The following PALLD variants were observed in gnomAD, a reference collection of about 807,000 sequenced individuals.
PALLD encodes palladin.
A neutral mutation model predicts 123.5 loss-of-function variants in PALLD; 61 were observed. The ratio of observed to expected loss-of-function variants is 0.49; its 90% CI spans 0.40 to 0.61. The LOEUF (loss-of-function observed/expected upper bound fraction) is 0.61. Ranked by LOEUF, PALLD falls within the 20% of genes least tolerant of loss-of-function variation. The probability of loss-of-function intolerance (pLI) is 0.00; values close to 1 mark genes in which losing one functional copy is unlikely to be tolerated. For missense variants in PALLD, 1,273 were observed against 1,377.0 expected (o/e 0.92, Z 1.20); for synonymous variants, 465 against 496.4 (o/e 0.94, Z 0.84).
chr4:168,590,903 G>A (rs922489456), intron 2 of PALLD, among the ~76,000 whole-genome samples: 2 of 92,888 alleles, frequency 2.2e-5, no homozygotes, highest in African/African-American at 9.7e-5. Context: ...TTTTGAGAGG[G>A]AGTTTCACTC....
At chr4:168,728,400 C>T (rs1381849229) in intron 10 of PALLD, among the ~76,000 whole-genome samples, 1 of 151,830 alleles carries the variant, frequency 6.6e-6, no homozygotes, top group Non-Finnish European at 1.5e-5. Flanking sequence ...TTTTATAGTT[C>T]TTGTAGAGAC....
At chr4:168,558,879 G>T (rs906731490) in intron 2 of PALLD, among the ~76,000 whole-genome samples, 1 of 152,142 alleles carries the variant, frequency 6.6e-6, no homozygotes, top group African/African-American at 2.4e-5. Context: ...TGTAAAACAT[G>T]ACCTAGGTGT....
chr4:168,654,018 A>C (rs1778321153), intron 2 of PALLD, among the ~76,000 whole-genome samples: 1 of 151,682 alleles, frequency 6.6e-6, no homozygotes, highest in Non-Finnish European at 1.5e-5. Context: ...ACAGAGTCTC[A>C]CTGTGTTGCC....
intron 2 of PALLD, among the ~76,000 whole-genome samples, chr4:168,525,257 G>C (rs1027218303): frequency 1.3e-5 from 2 of 152,200 alleles, no homozygotes; most frequent in African/African-American, 4.8e-5. Context: ...AATTCTGCAA[G>C]ATCATTTTTT....
intron 1 of PALLD, among the ~76,000 whole-genome samples, chr4:168,499,689 T>C (rs990029684): frequency 6.6e-6 from 1 of 152,206 alleles, no homozygotes; most frequent in Admixed American, 6.5e-5. Flanking sequence ...GAGGTCAGTG[T>C]TGATTGTTTG....
chr4:168,537,722 G>A (rs952356407), intron 2 of PALLD: 1 of 152,176 alleles, frequency 6.6e-6, no homozygotes, highest in Non-Finnish European at 1.5e-5. Flanking sequence ...TGGCAGTCTT[G>A]TGGGAAGAAG....
chr4:168,732,235 A>G (rs1358448988), intron 10 of PALLD, among the ~76,000 whole-genome samples: 1 of 152,258 alleles, frequency 6.6e-6, no homozygotes, highest in Admixed American at 6.5e-5. Flanking sequence ...GAGTTTCCGA[A>G]GAACTTGTGG....
intron 10 of PALLD, among the ~76,000 whole-genome samples, chr4:168,780,463 C>T (rs1735760904): frequency 6.6e-6 from 1 of 152,216 alleles, no homozygotes; most frequent in Non-Finnish European, 1.5e-5. Context: ...CTGTTTCTTA[C>T]TAAGATTTGC....
In PALLD at chr4:168,612,254, CAAA is replaced by C. The variant is rs5863950; in HGVS notation, c.909-55921_909-55919del. Among the ~76,000 whole-genome samples, 574 of 127,110 alleles carry C rather than the reference CAAA, an allele frequency of 4.5e-3. 1 individual carries two copies. Among genetic ancestry groups the C allele is most frequent in the African/African-American group, 0.014 (504 of 35,276 alleles). 83.4% of individuals were successfully genotyped at this position (127,110 alleles called of 152,430 possible). A position where few individuals can be genotyped will look rare whatever the true frequency, so the allele number is the denominator to read the frequency against. On this transcript the variant is annotated intron_variant, in intron 2 of 21. Transcript: ENST00000505667. ...TCAGTGTCCTTGAAATCTAGGTTTA[CAAA>C]AAAAAAAAAAAAAATGCTCATCTTA...
In PALLD at chr4:168,713,299, A is replaced by ATGC. The variant is rs1468083311; in HGVS notation, c.1964+1378_1964+1380dup. Among the ~76,000 whole-genome samples the ATGC allele has an allele frequency of 2.0e-5, 3 of 152,342 alleles. No individual in the cohort carries two copies. The East Asian group carries it at 5.8e-4, about 29-fold the overall frequency. On this transcript the variant is annotated intron_variant, in intron 10 of 21. Coordinates refer to ENST00000505667, the MANE Select transcript of PALLD (RefSeq NM_001166108.2). Reference sequence around the variant, plus strand: ...AAAATGGTGTCCTTAAAAGAGATTTATGCTCTTGTAGCAGCAACCCATAAA... The same window carrying ATGC: ...AAAATGGTGTCCTTAAAAGAGATTTATGCTGCTCTTGTAGCAGCAACCCATAAA...
chr4:168,601,959 T>A (rs1379431824), intron 2 of PALLD, among the ~76,000 whole-genome samples: 3 of 152,206 alleles, frequency 2.0e-5, no homozygotes, highest in African/African-American at 7.2e-5. Flanking sequence ...AAGGGCCAAC[T>A]TCCAGAGCCT....
At chr4:168,690,571 T>TTCA in intron 6 of PALLD, 32 bp from the exon 7 acceptor site, 1 of 1,613,996 alleles carries the variant, frequency 6.2e-7, no homozygotes. Context: ...CAAAGTCTGA[T>TTCA]GGGGTTTTCC....
intron 10 of PALLD, among the ~76,000 whole-genome samples, chr4:168,715,843 G>A (rs1472100084): frequency 2.0e-5 from 3 of 152,064 alleles, no homozygotes; most frequent in Admixed American, 6.6e-5. Context: ...CCAGCTACTC[G>A]GGAGGCTGAG....
At position 168,615,008 on chromosome 4, in the gene PALLD, C is replaced by T. The variant is rs534361836; in HGVS notation, c.909-53182C>T. On this transcript the variant is annotated intron_variant, in intron 2 of 21. Transcript: ENST00000505667. Reference sequence around the variant, plus strand: ...AGGGATAGCTAGAGCCAATAAGCCCCAGTGCATGGATATTAGGAGGTTCAT... The same window carrying T: ...AGGGATAGCTAGAGCCAATAAGCCCTAGTGCATGGATATTAGGAGGTTCAT... 3.3e-5 allele frequency among the ~76,000 whole-genome samples: 5 copies of T among 152,236 alleles called. No individual in the cohort carries two copies. In the South Asian group the frequency reaches 6.2e-4, roughly 19 times the overall value.
At chr4:168,551,953 G>A (rs1766779141) in intron 2 of PALLD, among the ~76,000 whole-genome samples, 1 of 152,186 alleles carries the variant, frequency 6.6e-6, no homozygotes, top group Admixed American at 6.5e-5. Context: ...GTCAAATTGG[G>A]AAGGAAGATA....
intron 8 of PALLD, among the ~76,000 whole-genome samples, chr4:168,708,496 A>G (rs370319849): frequency 6.6e-6 from 1 of 152,192 alleles, no homozygotes; most frequent in African/African-American, 2.4e-5. Flanking sequence ...TTCATGCCCT[A>G]CAACACTGCC....
At chr4:168,805,048 C>G (rs775061752) in intron 10 of PALLD, among the ~76,000 whole-genome samples, 25 of 151,918 alleles carry the variant, frequency 1.6e-4, no homozygotes, top group Non-Finnish European at 3.7e-4. Flanking sequence ...AATCCAGCTA[C>G]TCAGGAGGCC....
chr4:168,539,674 A>G (rs1765427903), intron 2 of PALLD, among the ~76,000 whole-genome samples: 1 of 152,124 alleles, frequency 6.6e-6, no homozygotes. Flanking sequence ...TTTCATAGTT[A>G]ATTTATGAAA....
chr4:168,613,871 A>G (rs1773968741), intron 2 of PALLD, among the ~76,000 whole-genome samples: 1 of 152,206 alleles, frequency 6.6e-6, no homozygotes, highest in Non-Finnish European at 1.5e-5. Context: ...CCACATAAAT[A>G]ATACATAGAT....
Sources: gnomAD v4.1 joint callset for allele counts (sites outside exome capture counted in the v4.1 genomes callset) on GRCh38, gnomAD v4.1.1 for gene constraint, MANE v1.5 for transcripts, NCBI Gene and HGNC (gene_info 2026-07-23, HGNC 2026-07-21) for gene names.